BAZ1B: variants seen among roughly 807,000 people sequenced by gnomAD.
BAZ1B encodes bromodomain adjacent to zinc finger domain 1B, also known as tyrosine-protein kinase BAZ1B.
BAZ1B carries 22 observed loss-of-function variants against 153.8 expected under a neutral mutation model. The observed-to-expected ratio is 0.14, with a 90% CI of 0.10 to 0.20. The LOEUF (loss-of-function observed/expected upper bound fraction) is 0.20. Among genes scored for constraint, BAZ1B ranks in the 10% least tolerant of loss-of-function variants. The probability of loss-of-function intolerance (pLI) is 1.00; values close to 1 mark genes in which losing one functional copy is unlikely to be tolerated. For synonymous variants in BAZ1B, 676 were observed against 633.4 expected (o/e 1.07, Z -1.01); for missense variants, 1,325 against 1,799.3 (o/e 0.74, Z 4.77).
chr7:73,506,498 TAA>T (rs1276428151), intron 3 of BAZ1B, among the ~76,000 whole-genome samples: 1 of 130,158 alleles, frequency 7.7e-6, no homozygotes, highest in Non-Finnish European at 1.7e-5. Flanking sequence ...GACTCCATCT[TAA>T]AAAAAAAAAA....
Position 73,510,717 on chromosome 7 carries a change from C to T in BAZ1B, c.224+19G>A. On this transcript the variant is annotated intron_variant, in intron 2 of 19. Transcript: ENST00000339594. ...ACAATGTGAAGATGGTGGCAAAGAG[C>T]AATACTTCCATTACTTACAGCTCAG... 6.3e-7 allele frequency: 1 copy of T among 1,597,502 alleles called. No individual in the cohort carries two copies. The highest frequency in any genetic ancestry group is 8.6e-7 in the Non-Finnish European group (1 of 1,165,018).
intron 3 of BAZ1B, among the ~76,000 whole-genome samples, chr7:73,506,155 G>A (rs560229917): frequency 2.0e-5 from 3 of 152,164 alleles, no homozygotes; most frequent in African/African-American, 2.4e-5. Flanking sequence ...TTTAGTGTTC[G>A]GTATCACTTT....
intron 3 of BAZ1B, among the ~76,000 whole-genome samples, chr7:73,501,872 T>C (rs369286204): frequency 1.3e-5 from 2 of 151,796 alleles, no homozygotes; most frequent in African/African-American, 4.8e-5. Flanking sequence ...TTTTCTTTCA[T>C]AGTTCTTATC....
rs781811204 is a variant in BAZ1B, at chr7:73,477,634, A to T, written c.1827T>A (p.Asp609Glu). 6.2e-7 allele frequency: 1 copy of T among 1,614,212 alleles called. No individual in the cohort carries two copies. Among genetic ancestry groups the T allele is most frequent in the South Asian group, 1.1e-5 (1 of 91,078 alleles). The change falls in exon 7 of 20, where the codon GAT (aspartate) becomes GAA (glutamate). Residue 609 changes from aspartate (D) to glutamate (E), a missense_variant. Physicochemically the swap from Asp to Glu is conservative, Grantham distance 45 (BLOSUM62 2). Coordinates refer to ENST00000339594, the MANE Select transcript of BAZ1B (RefSeq NM_032408.4). This position sits in a 1 kb window ranked among gnomAD's most constrained non-coding sequence, Gnocchi z 5.6. ...TCAAGAATTCCACCACCATGGCCAC[A>T]TCCCCAAACAGCGTGTTGGGCAGCC... ...PEGLPNTLFGDVAMVVEFLSC... is the reference protein window; with the variant it reads ...PEGLPNTLFGEVAMVVEFLSC...
chr7:73,503,479 G>A (rs528306068), intron 3 of BAZ1B, among the ~76,000 whole-genome samples: 1 of 152,034 alleles, frequency 6.6e-6, no homozygotes, highest in East Asian at 1.9e-4. Context: ...GAGTTCAAGC[G>A]ATCCTCTTGC....
Position 73,522,093 on chromosome 7 carries a change from G to T in BAZ1B, c.-160C>A. ...CTCCGGCTCCCTCACCGCCGGCGCG[G>T]CCGCGCGACAGTCATGGAGCGGAAC... On this transcript the variant is annotated 5_prime_UTR_variant, in exon 1 of 20. Transcript: ENST00000339594. The T allele has an allele frequency of 2.2e-6, 1 of 448,842 alleles. No individual in the cohort carries two copies. Among genetic ancestry groups the T allele is most frequent in the Admixed American group, 4.4e-5 (1 of 22,678 alleles). The allele number at this position is 448,842 out of a possible 1,614,324, so 27.8% of individuals were successfully genotyped here.
intron 4 of BAZ1B, among the ~76,000 whole-genome samples, chr7:73,497,420 A>C (rs1424189795): frequency 6.6e-6 from 1 of 152,090 alleles, no homozygotes; most frequent in African/African-American, 2.4e-5. Context: ...GAATCTTCAT[A>C]TTTTTCTTGA....
chr7:73,445,211 G>A (rs1344229326), intron 16 of BAZ1B, among the ~76,000 whole-genome samples: 5 of 152,136 alleles, frequency 3.3e-5, no homozygotes, highest in Admixed American at 2.6e-4. Context: ...GGACACAGAG[G>A]TCTAGGAAGG....
intron 6 of BAZ1B, among the ~76,000 whole-genome samples, chr7:73,485,778 G>T (rs1319728571): frequency 6.6e-6 from 1 of 152,060 alleles, no homozygotes; most frequent in Non-Finnish European, 1.5e-5. Flanking sequence ...AATGTGTTAA[G>T]AACAAGGCTA....
intron 19 of BAZ1B, chr7:73,441,935 G>C: frequency 4.0e-6 from 2 of 498,520 alleles, no homozygotes; most frequent in Non-Finnish European, 7.1e-6. Context: ...CACCAGAAAA[G>C]CTAGACCCTC....
At chr7:73,502,688 G>A (rs1457406433) in intron 3 of BAZ1B, among the ~76,000 whole-genome samples, 1 of 152,174 alleles carries the variant, frequency 6.6e-6, no homozygotes, top group East Asian at 1.9e-4. Flanking sequence ...TGAGGTGGGA[G>A]GATGGCTTGA....
At chr7:73,443,900 A>C in intron 17 of BAZ1B, 84 bp downstream of exon 17, 1 of 1,592,082 alleles carries the variant, frequency 6.3e-7, no homozygotes, top group Non-Finnish European at 8.6e-7. Flanking sequence ...CTCCCCTCCC[A>C]CCTGTTGCCT....
Position 73,478,257 on chromosome 7 carries a change from A to G in BAZ1B, c.1204T>C (p.Leu402=). ...KKPGKHSDKP[L]KAKGRSKGIL... ...CCTTTGCTTCTGCCCTTTGCCTTCA[A>G]AGGCTTGTCACTGTGCTTCCCTGGT... The change falls in exon 7 of 20, where the codon TTG becomes CTG. Residue 402 remains leucine, a synonymous_variant. Coordinates refer to ENST00000339594, the MANE Select transcript of BAZ1B (RefSeq NM_032408.4). The G allele has an allele frequency of 6.2e-7, 1 of 1,614,150 alleles. No homozygotes were observed. The highest frequency in any genetic ancestry group is 8.5e-7 in the Non-Finnish European group (1 of 1,180,038).
Position 73,478,365 on chromosome 7 carries a change from G to C in BAZ1B, c.1096C>G (p.Leu366Val). 3 of 1,612,316 alleles carry C rather than the reference G, an allele frequency of 1.9e-6. No individual in the cohort carries two copies. The highest frequency in any genetic ancestry group is 3.4e-5 in the Admixed American group (2 of 59,496). The change falls in exon 7 of 20, where the codon CTA becomes GTA. Residue 366 changes from leucine (L) to valine (V), a missense_variant. This residue lies in a region of BAZ1B where 219 missense variants were observed against 248.2 expected (regional missense o/e 0.88). Transcript: ENST00000339594. ...GACATCATCTTCATCATTTCTTCTA[G>C]ATGTTCTTCAGGAGATTTGGAATTC... ...SKNSKSPEEH[L>V]EEMMKMMSPN...
intron 7 of BAZ1B, among the ~76,000 whole-genome samples, chr7:73,472,580 G>C (rs1028578352): frequency 6.6e-6 from 1 of 151,750 alleles, no homozygotes; most frequent in Admixed American, 6.6e-5. Context: ...TTCTTGATAG[G>C]TATTGTTTTG....
At chr7:73,510,616 T>C (rs941531926) in intron 2 of BAZ1B, 120 bp downstream of exon 2, 25 of 932,020 alleles carry the variant, frequency 2.7e-5, no homozygotes, top group African/African-American at 1.6e-4. Flanking sequence ...AGTACACTAA[T>C]GTAATATAGT....
intron 4 of BAZ1B, among the ~76,000 whole-genome samples, chr7:73,497,505 T>C (rs538296057): frequency 5.9e-5 from 9 of 152,186 alleles, no homozygotes; most frequent in Non-Finnish European, 8.8e-5. Context: ...TCTGTATATA[T>C]TTTATGGTAG....
intron 1 of BAZ1B, among the ~76,000 whole-genome samples, chr7:73,512,942 C>T (rs1554578791): frequency 5.3e-5 from 8 of 152,092 alleles, no homozygotes; most frequent in Non-Finnish European, 1.2e-4. Flanking sequence ...CAGCATCTAG[C>T]TCATTTTTAT....
intron 6 of BAZ1B, among the ~76,000 whole-genome samples, chr7:73,484,816 G>A (rs967835959): frequency 3.6e-4 from 54 of 151,906 alleles, no homozygotes; most frequent in African/African-American, 1.2e-3. Flanking sequence ...CAAAATAACC[G>A]GGTTCTATTA....
Sources: gnomAD v4.1 joint callset for allele counts (sites outside exome capture counted in the v4.1 genomes callset) on GRCh38, gnomAD v4.1.1 for gene constraint, gnomAD v4.1.1 regional missense constraint, Gnocchi (gnomAD v3.1) non-coding constraint, MANE v1.5 for transcripts, NCBI Gene and HGNC (gene_info 2026-07-23, HGNC 2026-07-21) for gene names.